PDE1A: variants seen among roughly 807,000 people sequenced by gnomAD.
PDE1A encodes the protein dual specificity calcium/calmodulin-dependent 3',5'-cyclic nucleotide phosphodiesterase 1A.
A neutral mutation model predicts 61.7 loss-of-function variants in PDE1A; 35 were observed. The ratio of observed to expected loss-of-function variants is 0.57; its 90% CI spans 0.43 to 0.75. The LOEUF (loss-of-function observed/expected upper bound fraction) is 0.75, where lower values mean the gene tolerates loss of function less well. Ranked by LOEUF, PDE1A falls within the 30% of genes least tolerant of loss-of-function variation. The pLI is 0.00. For missense variants in PDE1A, 597 were observed against 630.6 expected, an observed-to-expected ratio of 0.95 and a Z score of 0.57; for synonymous variants, 232 against 213.2, an observed-to-expected ratio of 1.09 and a Z score of -0.77.
At chr2:182,415,931 C>T (rs1350410913) in intron 1 of PDE1A, among the ~76,000 whole-genome samples, 1 of 152,114 alleles carries the variant, frequency 6.6e-6, no homozygotes, top group African/African-American at 2.4e-5. Flanking sequence ...ATATGCCTGG[C>T]CTGGCATGCA....
chr2:182,299,153 T>G (rs62190527), intron 1 of PDE1A, among the ~76,000 whole-genome samples: 8,244 of 151,946 alleles, frequency 0.054, 322 homozygotes, highest in African/African-American at 0.11. Context: ...TTAAGGTGTG[T>G]TGGATACCAA....
At chr2:182,557,335 A>G in the PDE1A span, among the ~76,000 whole-genome samples, 1 of 152,218 alleles carries the variant, frequency 6.6e-6, no homozygotes, top group African/African-American at 2.4e-5. Flanking sequence ...CTAAATTTTT[A>G]TATTATTGTC....
the PDE1A span, among the ~76,000 whole-genome samples, chr2:182,554,112 T>A: frequency 3.3e-5 from 5 of 152,140 alleles, no homozygotes; most frequent in African/African-American, 1.2e-4. Context: ...GAGAAAGGAC[T>A]ATAATACTTA....
At chr2:182,477,478 T>C (rs1164143409) in intron 2 of PDE1A, among the ~76,000 whole-genome samples, 1 of 151,742 alleles carries the variant, frequency 6.6e-6, no homozygotes, top group Non-Finnish European at 1.5e-5. Flanking sequence ...GTTCCTTGAG[T>C]CACGTAGTGA....
At chr2:182,530,876 C>T in the PDE1A span, among the ~76,000 whole-genome samples, 9 of 138,000 alleles carry the variant, frequency 6.5e-5, no homozygotes, top group East Asian at 2.1e-3. Flanking sequence ...ATATCATAGC[C>T]TTTCTTCATC....
At chr2:182,604,729 T>C in the PDE1A span, among the ~76,000 whole-genome samples, 1 of 152,210 alleles carries the variant, frequency 6.6e-6, no homozygotes, top group Non-Finnish European at 1.5e-5. Context: ...ATATATAAAA[T>C]AGCCATTCCT....
At chr2:182,709,260 T>C in the PDE1A span, among the ~76,000 whole-genome samples, 1 of 152,222 alleles carries the variant, frequency 6.6e-6, no homozygotes, top group Non-Finnish European at 1.5e-5. Context: ...GGGACCATAT[T>C]GCTCATATAA....
At chr2:182,342,648 A>G (rs1698267333) in intron 1 of PDE1A, among the ~76,000 whole-genome samples, 1 of 152,342 alleles carries the variant, frequency 6.6e-6, no homozygotes, top group East Asian at 1.9e-4. Context: ...GCGCCACTGC[A>G]CTCCAGCCTG....
At chr2:182,468,224 G>A (rs2125794361) in intron 2 of PDE1A, among the ~76,000 whole-genome samples, 1 of 152,046 alleles carries the variant, frequency 6.6e-6, no homozygotes, top group East Asian at 1.9e-4. Flanking sequence ...CTGTTTGATA[G>A]CATTTGACTG....
intron 2 of PDE1A, among the ~76,000 whole-genome samples, chr2:182,449,021 G>A (rs1685323668): frequency 7.0e-6 from 1 of 143,804 alleles, no homozygotes; most frequent in Non-Finnish European, 1.5e-5. Flanking sequence ...TAACAGAATT[G>A]TACCACTACA....
At position 182,241,741 on chromosome 2, in the gene PDE1A, G is replaced by A. The variant is rs955280681; in HGVS notation, c.168-1449C>T. The A allele has an allele frequency of 3.3e-5, 33 of 996,440 alleles. No individual in the cohort carries two copies. The Admixed American group carries it at 3.8e-4, about 11-fold the overall frequency. 61.7% of individuals were successfully genotyped at this position (996,440 alleles called of 1,614,324 possible). ...ATAAGTTCTGGAGTCACAAAGATACGTGTATACATATAACGATAAAAAATA... is the reference window on the plus strand; with the variant it reads ...ATAAGTTCTGGAGTCACAAAGATACATGTATACATATAACGATAAAAAATA... On this transcript the variant is annotated intron_variant, in intron 2 of 13. Coordinates refer to ENST00000351439, the Ensembl canonical transcript of PDE1A.
At chr2:182,707,395 TTTGA>T in the PDE1A span, among the ~76,000 whole-genome samples, 3 of 152,096 alleles carry the variant, frequency 2.0e-5, no homozygotes, top group African/African-American at 4.8e-5. Flanking sequence ...CAGTCAATAG[TTTGA>T]TTAAGAAAAA....
chr2:182,213,195 C>G (rs1022376723), intron 7 of PDE1A, among the ~76,000 whole-genome samples: 66 of 149,900 alleles, frequency 4.4e-4, no homozygotes, highest in Middle Eastern at 6.9e-3. Flanking sequence ...AACAGACCTG[C>G]AGCTGAGGGT....
At chr2:182,514,942 G>C (rs942957834) in intron 2 of PDE1A, among the ~76,000 whole-genome samples, 1 of 152,128 alleles carries the variant, frequency 6.6e-6, no homozygotes, top group Non-Finnish European at 1.5e-5. Flanking sequence ...AGGAATTCTG[G>C]TTTATTTAGC....
At chr2:182,648,663 T>G in the PDE1A span, among the ~76,000 whole-genome samples, 1 of 149,120 alleles carries the variant, frequency 6.7e-6, no homozygotes, top group Non-Finnish European at 1.5e-5. Flanking sequence ...ATCATGTTAC[T>G]GCACTCAGCC....
At chr2:182,691,717 A>C in the PDE1A span, among the ~76,000 whole-genome samples, 1 of 152,234 alleles carries the variant, frequency 6.6e-6, no homozygotes, top group Non-Finnish European at 1.5e-5. Flanking sequence ...GCACAGCAAA[A>C]GAAACTACCA....
chr2:182,700,203 GAACA>G, the PDE1A span, among the ~76,000 whole-genome samples: 1 of 152,148 alleles, frequency 6.6e-6, no homozygotes, highest in Admixed American at 6.5e-5. Context: ...TGAATTGTAA[GAACA>G]TCTTACTCTA....
intron 1 of PDE1A, among the ~76,000 whole-genome samples, chr2:182,381,671 G>C (rs1236955000): frequency 6.6e-6 from 1 of 152,072 alleles, no homozygotes; most frequent in Non-Finnish European, 1.5e-5. Context: ...ACTTAGCCAG[G>C]CATGGTGGTG....
chr2:182,453,697 G>A (rs1685687121), intron 2 of PDE1A, among the ~76,000 whole-genome samples: 1 of 152,020 alleles, frequency 6.6e-6, no homozygotes, highest in African/African-American at 2.4e-5. Context: ...TGCAGAAAAG[G>A]CCTTTGACAA....
Sources: allele counts gnomAD v4.1 joint callset (sites outside exome capture counted in the v4.1 genomes callset), GRCh38; gene constraint gnomAD v4.1.1; transcripts MANE v1.5; gene names NCBI Gene and HGNC (gene_info 2026-07-23, HGNC 2026-07-21).